PADI3: variants seen among roughly 807,000 people sequenced by gnomAD.
PADI3 encodes the protein peptidyl arginine deiminase 3, also known as protein-arginine deiminase type-3.
PADI3 carries 53 observed loss-of-function variants against 71.5 expected under a neutral mutation model. The ratio of observed to expected loss-of-function variants is 0.74; its 90% CI spans 0.59 to 0.93. The LOEUF (loss-of-function observed/expected upper bound fraction) is 0.93. PADI3 is among the 40% of genes least tolerant of loss of function. PADI3 has a pLI of 0.00. For missense variants in PADI3, 821 were observed against 868.0 expected (o/e 0.95, Z 0.68); for synonymous variants, 361 against 347.5 (o/e 1.04, Z -0.43).
intron 6 of PADI3, among the ~76,000 whole-genome samples, chr1:17,268,821 T>C (rs1447882548): frequency 2.0e-5 from 3 of 151,662 alleles, no homozygotes; most frequent in Admixed American, 2.0e-4. Context: ...ATTTTTTAAA[T>C]AATCAGACAA....
intron 9 of PADI3, among the ~76,000 whole-genome samples, chr1:17,271,715 G>A (rs2073254708): frequency 6.6e-6 from 1 of 151,826 alleles, no homozygotes; most frequent in African/African-American, 2.4e-5. Context: ...GGGCATGGTG[G>A]CGTGTGTCTG....
At chr1:17,265,033 A>C (rs929149548) in intron 3 of PADI3, among the ~76,000 whole-genome samples, 12 of 148,336 alleles carry the variant, frequency 8.1e-5, no homozygotes, top group Non-Finnish European at 6.0e-5. Flanking sequence ...AATCCTATCT[A>C]ATGTATTCTT....
chr1:17,270,485 C>CAAAAA, intron 7 of PADI3, 74 bp downstream of exon 7: 1 of 1,019,984 alleles, frequency 9.8e-7, no homozygotes, highest in Non-Finnish European at 1.4e-6. Context: ...CCCATCTCTA[C>CAAAAA]AAAAAAAAAA....
At chr1:17,271,020 A>C (rs2073241660) in intron 8 of PADI3, 38 bp downstream of exon 8, 1 of 1,612,828 alleles carries the variant, frequency 6.2e-7, no homozygotes, top group Admixed American at 1.7e-5. Context: ...TCTGGCCCCC[A>C]GGCCCCGGCT....
At chr1:17,270,087 C>A in intron 6 of PADI3, 146 bp from the exon 7 acceptor site, 1 of 910,486 alleles carries the variant, frequency 1.1e-6, no homozygotes, top group East Asian at 2.5e-5. Flanking sequence ...ATTACCTGTC[C>A]TCTCCTTTGC....
At chr1:17,255,044 C>G (rs2073011482) in intron 1 of PADI3, among the ~76,000 whole-genome samples, 1 of 152,188 alleles carries the variant, frequency 6.6e-6, no homozygotes. Flanking sequence ...CTAAGACAAC[C>G]TACTCTAAGC....
chr1:17,262,907 CTTTT>C (rs1293014851), intron 3 of PADI3, among the ~76,000 whole-genome samples: 1 of 145,828 alleles, frequency 6.9e-6, no homozygotes, highest in Non-Finnish European at 1.5e-5. Flanking sequence ...TCCAACGTGG[CTTTT>C]TTGTTTGTTT....
In PADI3 at chr1:17,280,683, T is replaced by G. The variant is rs758505633; in HGVS notation, c.1648T>G (p.Trp550Gly). ...CCCCTGCCCCCAGAGCTGCATCGAC[T>G]GGAACCGTGAGGTGCTGAAGCGGGA... ...YNKFVQSCID[W>G]NREVLKRELG... Residue 550 changes from tryptophan to glycine, a missense_variant, in exon 15 of 16, where the codon TGG becomes GGG. Transcript: ENST00000375460. The G allele has an allele frequency of 1.9e-6, 3 of 1,614,146 alleles. No individual in the cohort carries two copies. The highest frequency in any genetic ancestry group is 1.7e-6 in the Non-Finnish European group (2 of 1,180,016).
intron 14 of PADI3, 46 bp downstream of exon 14, chr1:17,280,475 C>A: frequency 1.3e-6 from 2 of 1,553,366 alleles, no homozygotes; most frequent in Non-Finnish European, 1.8e-6. Context: ...TGGGAGTAGG[C>A]GGGGCTGGAG....
At chr1:17,281,576 C>CTGGGAATG (rs1258940600) in intron 15 of PADI3, among the ~76,000 whole-genome samples, 1 of 152,016 alleles carries the variant, frequency 6.6e-6, no homozygotes, top group Non-Finnish European at 1.5e-5. Context: ...TCCTGAGTAG[C>CTGGGAATG]TGGGATTGTG....
At chr1:17,257,074 A>C (rs2073037966) in intron 1 of PADI3, among the ~76,000 whole-genome samples, 1 of 140,986 alleles carries the variant, frequency 7.1e-6, no homozygotes, top group South Asian at 2.4e-4. Context: ...TCCTTGGGAG[A>C]TGGAAGGCGA....
At chr1:17,249,532 T>C (rs562293088) in intron 1 of PADI3, among the ~76,000 whole-genome samples, 1 of 152,304 alleles carries the variant, frequency 6.6e-6, no homozygotes, top group East Asian at 1.9e-4. Flanking sequence ...GTCCAAGGGA[T>C]GCTGCAGGTT....
At chr1:17,271,244 G>GC in intron 9 of PADI3, 66 bp downstream of exon 9, 6 of 1,348,076 alleles carry the variant, frequency 4.5e-6, no homozygotes, top group Admixed American at 4.3e-5. Context: ...CTTCATTTGG[G>GC]GGCCACCGAG....
At position 17,276,613 on chromosome 1, in the gene PADI3, G is replaced by T. The variant is rs534887968; in HGVS notation, c.1402G>T (p.Val468Leu). ...GGAGCTCTTTGTGGACTGGTTGGCC[G>T]TGGGCCATGTGGATGAGTTTCTGAG... ...PVELFVDWLA[V>L]GHVDEFLSFV... The change falls in exon 12 of 16, where the codon GTG (valine) becomes TTG (leucine). Residue 468 changes from valine (V) to leucine (L), a missense_variant. Coordinates refer to ENST00000375460, the MANE Select transcript of PADI3 (RefSeq NM_016233.2). The T allele has an allele frequency of 1.9e-6, 3 of 1,614,068 alleles. No homozygotes were observed. The highest frequency in any genetic ancestry group is 1.3e-5 in the African/African-American group (1 of 74,918).
intron 11 of PADI3, among the ~76,000 whole-genome samples, 170 bp downstream of exon 11, chr1:17,274,956 C>T (rs1031230845): frequency 6.6e-6 from 1 of 152,112 alleles, no homozygotes; most frequent in Non-Finnish European, 1.5e-5. Flanking sequence ...AGACACAGTC[C>T]ACACTTACCT....
chr1:17,250,352 C>G (rs1557494494), intron 1 of PADI3, among the ~76,000 whole-genome samples: 1 of 152,178 alleles, frequency 6.6e-6, no homozygotes. Flanking sequence ...TTGCTAGATA[C>G]CAGCAGCACA....
Position 17,283,068 on chromosome 1 carries a change from A to T in PADI3, c.1984A>T (p.Met662Leu). ...GCCCTTCTCTTTCAAGTGGTGGAAC[A>T]TGGTGCCCTGAGACAGCTCCCACCC... ...RKPFSFKWWN[M>L]VP Residue 662 changes from methionine to leucine, a missense_variant, in exon 16 of 16, where the codon ATG becomes TTG. Met to Leu is a conservative substitution (Grantham distance 15). Coordinates refer to ENST00000375460, the MANE Select transcript of PADI3 (RefSeq NM_016233.2). 1 of 1,613,828 alleles carries T rather than the reference A, an allele frequency of 6.2e-7. No individual in the cohort carries two copies. Among genetic ancestry groups the T allele is most frequent in the Non-Finnish European group, 8.5e-7 (1 of 1,179,736 alleles).
At chr1:17,263,417 T>C (rs2073126586) in intron 3 of PADI3, among the ~76,000 whole-genome samples, 1 of 152,078 alleles carries the variant, frequency 6.6e-6, no homozygotes, top group African/African-American at 2.4e-5. Flanking sequence ...AGAGAACCCA[T>C]AGACAGACCC....
chr1:17,264,331 TACACACACAC>T (rs60223695), intron 3 of PADI3, among the ~76,000 whole-genome samples: 2,084 of 148,200 alleles, frequency 0.014, 35 homozygotes, highest in African/African-American at 0.035. Context: ...AAAGCATATG[TACACACACAC>T]ACACACACAC....
Sources: gnomAD v4.1 joint callset for allele counts (sites outside exome capture counted in the v4.1 genomes callset) on GRCh38, gnomAD v4.1.1 for gene constraint, MANE v1.5 for transcripts, NCBI Gene and HGNC (gene_info 2026-07-23, HGNC 2026-07-21) for gene names.